GRIP1: variants seen among roughly 807,000 people sequenced by gnomAD.
GRIP1 encodes the protein glutamate receptor interacting protein 1, also known as glutamate receptor-interacting protein 1.
A neutral mutation model predicts 129.9 loss-of-function variants in GRIP1; 45 were observed. The ratio of observed to expected loss-of-function variants is 0.35; its 90% CI spans 0.27 to 0.44. The LOEUF (loss-of-function observed/expected upper bound fraction) is 0.44. Among genes scored for constraint, GRIP1 ranks in the 20% least tolerant of loss-of-function variants. The pLI, the probability that GRIP1 is intolerant of heterozygous loss-of-function variation, is 1.00. For synonymous variants in GRIP1, 530 were observed against 520.8 expected (o/e 1.02, Z -0.24); for missense variants, 1,196 against 1,396.8 (o/e 0.86, Z 2.29).
chr12:66,855,402 A>G (rs2137094163), intron 1 of GRIP1, among the ~76,000 whole-genome samples: 1 of 152,142 alleles, frequency 6.6e-6, no homozygotes, highest in African/African-American at 2.4e-5. Context: ...CCCACTTTAT[A>G]GATGAGAAAA....
At chr12:67,063,635 T>G (rs1256489449) in intron 1 of GRIP1, among the ~76,000 whole-genome samples, 3 of 152,258 alleles carry the variant, frequency 2.0e-5, no homozygotes, top group African/African-American at 7.2e-5. Context: ...TACTAACTAC[T>G]ATTATAATTT....
Position 66,475,944 on chromosome 12 carries a change from T to C in GRIP1, c.725-10522A>G, listed in dbSNP as rs149166715. 1.7e-3 allele frequency among the ~76,000 whole-genome samples: 253 copies of C among 151,688 alleles called. 1 individual carries two copies. The highest frequency in any genetic ancestry group is 3.3e-3 in the Non-Finnish European group (223 of 67,908). ...ACGCTAAAATGTGATCTAAAAAAGA[T>C]CACAATTAAAAGAACTAGAGAAGCA... is the stretch of plus-strand genomic sequence containing the variant. On this transcript the variant is annotated intron_variant, in intron 7 of 24. Transcript: ENST00000359742.
At position 66,785,343 on chromosome 12, in the gene GRIP1, C is replaced by CATATATATATATATATATAT. The variant is rs199738180; in HGVS notation, c.-420+18690_-420+18709dup. ...ACATACATACATACATACATACATA[C>CATATATATATATATATATAT]ATATATATATATATATATATTAGTT... On this transcript the variant is annotated intron_variant, in intron 1 of 4. Transcript: ENST00000538373. Among the ~76,000 whole-genome samples, 449 of 72,670 alleles carry CATATATATATATATATATAT rather than the reference C, an allele frequency of 6.2e-3. 14 individuals are homozygous for CATATATATATATATATATAT. The highest frequency in any genetic ancestry group is 0.026 in the Middle Eastern group (3 of 114). 47.7% of individuals were successfully genotyped at this position (72,670 alleles called of 152,430 possible). A position where few individuals can be genotyped will look rare whatever the true frequency, so the allele number is the denominator to read the frequency against.
intron 5 of GRIP1, among the ~76,000 whole-genome samples, chr12:66,526,250 G>A (rs1244587816): frequency 3.3e-5 from 5 of 150,910 alleles, no homozygotes; most frequent in Admixed American, 2.6e-4. Context: ...AACAAAGCTG[G>A]AGGCATCAAG....
chr12:66,433,840 G>A (rs914711535), intron 13 of GRIP1, among the ~76,000 whole-genome samples: 5 of 152,134 alleles, frequency 3.3e-5, no homozygotes, highest in East Asian at 1.9e-4. Context: ...CCACTTGGCC[G>A]GCTTGGTCAG....
At chr12:66,774,035 A>T (rs889096327) in intron 1 of GRIP1, among the ~76,000 whole-genome samples, 2 of 152,168 alleles carry the variant, frequency 1.3e-5, no homozygotes, top group African/African-American at 4.8e-5. Context: ...TTAAAAAAAA[A>T]AAGTATCAAA....
At chr12:66,404,471 A>G (rs2057117772) in intron 16 of GRIP1, among the ~76,000 whole-genome samples, 1 of 152,122 alleles carries the variant, frequency 6.6e-6, no homozygotes, top group Non-Finnish European at 1.5e-5. Flanking sequence ...TTCCACCATA[A>G]AATGTACAGA....
At position 66,531,246 on chromosome 12, in the gene GRIP1, AAAAAAAATATATATATATATATATAT is replaced by A. The variant is rs1173618571; in HGVS notation, c.419-1358_419-1333del. ...GTGAGACTCTGTCTCAAAAAAAAAA[AAAAAAAATATATATATATATATATAT>A]ATATATATATATATATATATATATA... On this transcript the variant is annotated intron_variant, in intron 4 of 24. Coordinates refer to ENST00000359742, the MANE Select transcript of GRIP1 (RefSeq NM_001366722.1). 2.3e-3 allele frequency among the ~76,000 whole-genome samples: 117 copies of A among 51,660 alleles called. 3 individuals are homozygous for A. Among genetic ancestry groups the A allele is most frequent in the African/African-American group, 0.011 (107 of 9,772 alleles). The allele number at this position is 51,660 out of a possible 152,430, so 33.9% of individuals were successfully genotyped here.
chr12:66,643,519 G>A (rs1177369693), intron 1 of GRIP1, among the ~76,000 whole-genome samples: 2 of 152,082 alleles, frequency 1.3e-5, no homozygotes, highest in Non-Finnish European at 2.9e-5. Flanking sequence ...CTAGAAAAAA[G>A]GGAAATTTAT....
At chr12:66,856,493 C>T (rs1280140180) in intron 1 of GRIP1, among the ~76,000 whole-genome samples, 1 of 152,026 alleles carries the variant, frequency 6.6e-6, no homozygotes, top group Non-Finnish European at 1.5e-5. Context: ...GGCTAATATC[C>T]AGAATCTACA....
chr12:66,464,095 C>T (rs548982333), intron 8 of GRIP1, among the ~76,000 whole-genome samples: 1 of 152,316 alleles, frequency 6.6e-6, no homozygotes, highest in African/African-American at 2.4e-5. Flanking sequence ...GGGCTGGAAA[C>T]ATACAGGGGA....
chr12:66,501,396 T>C (rs76308004), intron 7 of GRIP1, among the ~76,000 whole-genome samples: 3,337 of 152,296 alleles, frequency 0.022, 109 homozygotes, highest in African/African-American at 0.077. Flanking sequence ...TATACTATTA[T>C]ATAATGGCTA....
chr12:66,533,542 G>C (rs1453465570), intron 4 of GRIP1, among the ~76,000 whole-genome samples: 2 of 152,070 alleles, frequency 1.3e-5, no homozygotes, highest in Non-Finnish European at 2.9e-5. Context: ...CTACTCAGGA[G>C]GCTGAGGCAG....
intron 19 of GRIP1, among the ~76,000 whole-genome samples, chr12:66,388,587 A>C (rs1283996833): frequency 6.6e-6 from 1 of 152,236 alleles, no homozygotes; most frequent in Non-Finnish European, 1.5e-5. Flanking sequence ...TAAGATTTTG[A>C]TAAGGCAGAA....
chr12:66,794,910 T>C (rs1316100700), intron 1 of GRIP1, among the ~76,000 whole-genome samples: 2 of 152,208 alleles, frequency 1.3e-5, no homozygotes, highest in Non-Finnish European at 2.9e-5. Flanking sequence ...TTTAAGGTGA[T>C]GGGGATTCCC....
intron 1 of GRIP1, among the ~76,000 whole-genome samples, chr12:66,938,890 G>C (rs766481417): frequency 1.3e-5 from 2 of 152,188 alleles, no homozygotes; most frequent in African/African-American, 2.4e-5. Flanking sequence ...CTGGGAGGTG[G>C]AGGTTGCAGT....
chr12:66,711,790 TGA>T (rs1454019028), intron 1 of GRIP1, among the ~76,000 whole-genome samples: 1 of 151,876 alleles, frequency 6.6e-6, no homozygotes, highest in African/African-American at 2.4e-5. Context: ...TAGATCTCCA[TGA>T]GAAAGTAGGA....
At chr12:66,913,693 A>G (rs2041070319) in intron 1 of GRIP1, among the ~76,000 whole-genome samples, 1 of 152,170 alleles carries the variant, frequency 6.6e-6, no homozygotes, top group African/African-American at 2.4e-5. Flanking sequence ...TGCTTCCTGG[A>G]GGTGGAAATA....
chr12:67,018,488 C>T (rs969584119), intron 1 of GRIP1, among the ~76,000 whole-genome samples: 17 of 152,338 alleles, frequency 1.1e-4, no homozygotes, highest in African/African-American at 3.8e-4. Context: ...CCAAGGCCTG[C>T]GTTCAGTCTT....
Sources: gnomAD v4.1 joint callset for allele counts (sites outside exome capture counted in the v4.1 genomes callset) on GRCh38, gnomAD v4.1.1 for gene constraint, MANE v1.5 for transcripts, NCBI Gene and HGNC (gene_info 2026-07-23, HGNC 2026-07-21) for gene names.